The following RAD51B variants were observed in gnomAD, a reference collection of about 807,000 sequenced individuals.
RAD51B encodes the protein RAD51 paralog B.
Under a neutral mutation model 42.2 loss-of-function variants are expected in RAD51B, and 38 were observed. The ratio of observed to expected loss-of-function variants is 0.90; its 90% CI spans 0.70 to 1.18. The LOEUF is 1.18. RAD51B is among the 50% of genes most tolerant of loss of function. The pLI is 0.00. For synonymous variants in RAD51B, 154 were observed against 145.2 expected (o/e 1.06, Z -0.43); for missense variants, 373 against 400.7 (o/e 0.93, Z 0.59).
chr14:67,899,385 A>C (rs1332794379), intron 7 of RAD51B, among the ~76,000 whole-genome samples: 1 of 152,098 alleles, frequency 6.6e-6, no homozygotes, highest in Non-Finnish European at 1.5e-5. Context: ...TCTGCTGGGA[A>C]ATATCTTCTT....
chr14:68,047,076 G>T (rs1459049377), intron 7 of RAD51B, among the ~76,000 whole-genome samples: 1 of 151,430 alleles, frequency 6.6e-6, no homozygotes, highest in Non-Finnish European at 1.5e-5. Flanking sequence ...TCTAAATAAG[G>T]TTTTATTTAT....
intron 9 of RAD51B, among the ~76,000 whole-genome samples, chr14:68,458,202 T>C (rs1468278): frequency 0.16 from 23,956 of 152,224 alleles, 2,493 homozygotes; most frequent in Non-Finnish European, 0.23. Flanking sequence ...GGCCTTGGTC[T>C]GTCACCCAGG....
chr14:68,572,594 A>T (rs555087276), intron 10 of RAD51B, among the ~76,000 whole-genome samples: 6 of 152,064 alleles, frequency 3.9e-5, no homozygotes, highest in Non-Finnish European at 7.4e-5. Flanking sequence ...AAGCCACCCC[A>T]ATAACTCCTG....
At chr14:68,116,249 A>G (rs1409547426) in intron 7 of RAD51B, among the ~76,000 whole-genome samples, 1 of 151,662 alleles carries the variant, frequency 6.6e-6, no homozygotes, top group Admixed American at 6.6e-5. Context: ...AGGGAACTGC[A>G]AGACTAACAG....
chr14:68,354,050 T>A (rs1227583333), intron 8 of RAD51B, among the ~76,000 whole-genome samples: 1 of 152,198 alleles, frequency 6.6e-6, no homozygotes, highest in Non-Finnish European at 1.5e-5. Context: ...CTGTTGACGA[T>A]AGCAATGTTT....
intron 4 of RAD51B, among the ~76,000 whole-genome samples, chr14:67,852,897 T>C (rs566690517): frequency 1.3e-5 from 2 of 152,342 alleles, no homozygotes; most frequent in South Asian, 2.1e-4. Flanking sequence ...CCTTTGAATA[T>C]GATGAGATGT....
intron 7 of RAD51B, among the ~76,000 whole-genome samples, chr14:67,969,618 T>G (rs2074857581): frequency 6.6e-6 from 1 of 152,188 alleles, no homozygotes; most frequent in African/African-American, 2.4e-5. Context: ...TCTATTAGGT[T>G]ATTAATAATT....
intron 9 of RAD51B, among the ~76,000 whole-genome samples, chr14:68,433,452 A>G (rs944377515): frequency 6.6e-6 from 1 of 151,974 alleles, no homozygotes; most frequent in Non-Finnish European, 1.5e-5. Context: ...ATTTCTTTTT[A>G]TTCTTTTTTC....
chr14:68,254,346 C>T (rs1172721588), intron 7 of RAD51B, among the ~76,000 whole-genome samples: 1 of 152,218 alleles, frequency 6.6e-6, no homozygotes, highest in African/African-American at 2.4e-5. Flanking sequence ...TCTCCCCCAA[C>T]CCTCCACAGT....
intron 7 of RAD51B, among the ~76,000 whole-genome samples, chr14:68,060,739 A>T (rs2076554641): frequency 6.6e-6 from 1 of 152,234 alleles, no homozygotes; most frequent in Non-Finnish European, 1.5e-5. Flanking sequence ...AGGGGAAAAA[A>T]TGCTTTCAGT....
intron 8 of RAD51B, among the ~76,000 whole-genome samples, chr14:68,332,149 T>A (rs1464157857): frequency 1.3e-5 from 2 of 152,222 alleles, no homozygotes; most frequent in Non-Finnish European, 2.9e-5. Flanking sequence ...CTGAACCCTG[T>A]CTTGTTGAAA....
intron 8 of RAD51B, among the ~76,000 whole-genome samples, chr14:68,312,918 C>T (rs1261674948): frequency 6.6e-6 from 1 of 152,104 alleles, no homozygotes; most frequent in Admixed American, 6.5e-5. Context: ...TGCAAAATAC[C>T]TTCGTTTTAC....
intron 7 of RAD51B, among the ~76,000 whole-genome samples, chr14:67,989,635 C>CAAAAAAAAAAAAAAAAAAA (rs764608072): frequency 3.0e-5 from 2 of 66,892 alleles, no homozygotes. Context: ...AACTCTGTCT[C>CAAAAAAAAAAAAAAAAAAA]AAAAAAAAAA....
At chr14:68,544,167 T>A (rs970792979) in intron 10 of RAD51B, among the ~76,000 whole-genome samples, 3 of 152,238 alleles carry the variant, frequency 2.0e-5, no homozygotes, top group African/African-American at 7.2e-5. Flanking sequence ...TAAAGAGATT[T>A]ACACCAAGCC....
intron 9 of RAD51B, among the ~76,000 whole-genome samples, chr14:68,441,661 T>C (rs528534046): frequency 6.6e-6 from 1 of 151,778 alleles, no homozygotes; most frequent in South Asian, 2.1e-4. Context: ...AAAAAGATAA[T>C]GTTATTCTAA....
At chr14:68,644,302 C>A (rs1255876503) in intron 10 of RAD51B, among the ~76,000 whole-genome samples, 2 of 152,138 alleles carry the variant, frequency 1.3e-5, no homozygotes, top group African/African-American at 4.8e-5. Context: ...TGTCTGCCCC[C>A]TTTCTGGTGC....
intron 7 of RAD51B, among the ~76,000 whole-genome samples, chr14:68,255,147 C>A (rs1203293171): frequency 6.6e-6 from 1 of 151,528 alleles, no homozygotes; most frequent in Non-Finnish European, 1.5e-5. Flanking sequence ...CTTCCTCTTC[C>A]TTTTCCTCTC....
At chr14:68,056,842 G>A (rs1440572582) in intron 7 of RAD51B, among the ~76,000 whole-genome samples, 1 of 152,056 alleles carries the variant, frequency 6.6e-6, no homozygotes, top group Non-Finnish European at 1.5e-5. Flanking sequence ...ACTTTGGGAA[G>A]CTGAGGCGGG....
At chr14:68,476,045 GAA>G (rs35479070) in intron 10 of RAD51B, among the ~76,000 whole-genome samples, 52,268 of 127,470 alleles carry the variant, frequency 0.41, 9,423 homozygotes, top group East Asian at 0.59. Context: ...ATATAAGGCT[GAA>G]AAAAAAAAAA....
Sources: gnomAD v4.1 joint callset for allele counts (sites outside exome capture counted in the v4.1 genomes callset) on GRCh38, gnomAD v4.1.1 for gene constraint, MANE v1.5 for transcripts, NCBI Gene and HGNC (gene_info 2026-07-23, HGNC 2026-07-21) for gene names.